Variants in APBB2 observed in about 807,000 individuals in gnomAD.
APBB2 encodes Fe65-like 1.
APBB2 carries 38 observed loss-of-function variants against 82.5 expected under a neutral mutation model. The ratio of observed to expected loss-of-function variants is 0.46; its 90% CI spans 0.36 to 0.60. The LOEUF (loss-of-function observed/expected upper bound fraction) is 0.60. Ranked by LOEUF, APBB2 falls within the 20% of genes least tolerant of loss-of-function variation. APBB2 has a pLI of 0.00. For missense variants in APBB2, 772 were observed against 972.3 expected (o/e 0.79, Z 2.74); for synonymous variants, 341 against 368.2 (o/e 0.93, Z 0.85).
At position 41,159,940 on chromosome 4, in the gene APBB2, G is replaced by GAGGAGA. The variant is rs1278953421; in HGVS notation, c.-416-16804_-416-16799dup. Among the ~76,000 whole-genome samples the GAGGAGA allele has an allele frequency of 8.0e-4, 32 of 40,030 alleles. 3 individuals carry two copies. The highest frequency in any genetic ancestry group is 3.0e-3 in the African/African-American group (31 of 10,490). 26.3% of individuals were successfully genotyped at this position (40,030 alleles called of 152,430 possible). A position where few individuals can be genotyped will look rare whatever the true frequency, so the allele number is the denominator to read the frequency against. On this transcript the variant is annotated intron_variant, in intron 1 of 17. Coordinates refer to ENST00000508593, the MANE Select transcript of APBB2 (RefSeq NM_004307.2). ...GGAGGAGGAGGAGGAGGAGGAGGAGGAGGAGAAGGAGAAGGAGAAGGAGAA... is the reference window on the plus strand; with the variant it reads ...GGAGGAGGAGGAGGAGGAGGAGGAGGAGGAGAAGGAGAAGGAGAAGGAGAAGGAGAA...
At chr4:40,861,687 C>A (rs1762797091) in intron 12 of APBB2, among the ~76,000 whole-genome samples, 1 of 152,132 alleles carries the variant, frequency 6.6e-6, no homozygotes, top group Non-Finnish European at 1.5e-5. Context: ...TTTTTAAAAA[C>A]AGGTCTGGTT....
chr4:41,112,308 G>A (rs991819885), intron 2 of APBB2, among the ~76,000 whole-genome samples: 2 of 152,208 alleles, frequency 1.3e-5, no homozygotes, highest in Admixed American at 1.3e-4. Flanking sequence ...ATGTAGCCCA[G>A]CTGGTGGGCA....
intron 4 of APBB2, among the ~76,000 whole-genome samples, chr4:41,041,126 C>G (rs1006807184): frequency 6.6e-6 from 1 of 152,172 alleles, no homozygotes; most frequent in Non-Finnish European, 1.5e-5. Context: ...GTGATTCCCC[C>G]ACCTTGGCCT....
chr4:40,888,516 A>G (rs1358867604), intron 12 of APBB2, among the ~76,000 whole-genome samples: 3 of 151,890 alleles, frequency 2.0e-5, no homozygotes, highest in Non-Finnish European at 4.4e-5. Flanking sequence ...CCTGCCTCGC[A>G]CAAGTATGTA....
At chr4:41,050,311 C>T (rs1022042684) in intron 4 of APBB2, among the ~76,000 whole-genome samples, 1 of 152,138 alleles carries the variant, frequency 6.6e-6, no homozygotes. Context: ...GCTTAGAATT[C>T]CTTCACATAT....
At chr4:40,907,364 T>C (rs1777154859) in intron 10 of APBB2, among the ~76,000 whole-genome samples, 1 of 86,972 alleles carries the variant, frequency 1.1e-5, no homozygotes, top group South Asian at 3.8e-4. Flanking sequence ...TATATATATA[T>C]ATATATATAT....
At chr4:40,910,426 A>T (rs912184477) in intron 10 of APBB2, among the ~76,000 whole-genome samples, 1 of 151,714 alleles carries the variant, frequency 6.6e-6, no homozygotes, top group Non-Finnish European at 1.5e-5. Context: ...TTTTGTAGAG[A>T]CGGGGTCTCA....
chr4:40,901,208 A>T (rs1272058982), intron 10 of APBB2, among the ~76,000 whole-genome samples: 2 of 152,196 alleles, frequency 1.3e-5, no homozygotes, highest in East Asian at 1.9e-4. Flanking sequence ...TGGACCTCAT[A>T]GGGTCCTGGC....
rs200453634 is a variant in APBB2, at chr4:40,825,846, G to A, written c.1816+41C>T. The A allele has an allele frequency of 3.7e-5, 58 of 1,558,358 alleles. No individual in the cohort carries two copies. In the Middle Eastern group the frequency reaches 1.0e-3, roughly 27 times the overall value. On this transcript the variant is annotated intron_variant, in intron 15 of 17. Transcript: ENST00000508593. ...GGGCGAACGCCTCCTGTGAGCTCCC[G>A]CACACTTGCAAAGTGGAAAGACAAT...
chr4:41,098,473 G>A (rs368402858), intron 3 of APBB2, among the ~76,000 whole-genome samples: 5 of 152,090 alleles, frequency 3.3e-5, no homozygotes, highest in East Asian at 1.9e-4. Flanking sequence ...AGTGAGCCAC[G>A]GCGTCTGGCC....
chr4:41,044,512 G>A (rs146826849), intron 4 of APBB2, among the ~76,000 whole-genome samples: 1,529 of 152,226 alleles, frequency 0.01, 29 homozygotes, highest in African/African-American at 0.035. Flanking sequence ...CTCTGTAGAA[G>A]GTTCCTTAGG....
intron 6 of APBB2, 79 bp from the exon 7 acceptor site, chr4:40,945,152 C>A (rs1788041680): frequency 1.8e-6 from 2 of 1,086,906 alleles, no homozygotes; most frequent in South Asian, 2.6e-5. Context: ...GTCAGGTGAA[C>A]CCCAAAGGCA....
In APBB2 at chr4:41,170,166, C is replaced by T. The variant is rs73232105; in HGVS notation, c.-416-27024G>A. Among the ~76,000 whole-genome samples, 728 of 152,244 alleles carry T rather than the reference C, an allele frequency of 4.8e-3. 3 individuals are homozygous for T. The highest frequency in any genetic ancestry group is 8.2e-3 in the Non-Finnish European group (557 of 68,002). On this transcript the variant is annotated intron_variant, in intron 1 of 17. Transcript: ENST00000508593. Reference sequence around the variant, plus strand: ...TATCCAAAGCTTTCCTAACTGAAGTCCAGGGACATTTTCCCCAGTGGTCTG... The same window carrying T: ...TATCCAAAGCTTTCCTAACTGAAGTTCAGGGACATTTTCCCCAGTGGTCTG...
intron 3 of APBB2, among the ~76,000 whole-genome samples, chr4:41,077,008 ATT>A (rs35092142): frequency 1.6e-3 from 237 of 144,594 alleles, no homozygotes; most frequent in Admixed American, 1.6e-3. Context: ...AAAAATCAGG[ATT>A]TTTTTTTTTT....
chr4:40,883,449 T>C (rs1455130697), intron 12 of APBB2, among the ~76,000 whole-genome samples: 1 of 152,020 alleles, frequency 6.6e-6, no homozygotes, highest in African/African-American at 2.4e-5. Context: ...TAGCTGGGCA[T>C]GGTGGCGCAT....
chr4:40,927,201 T>G (rs2154371299), intron 10 of APBB2, among the ~76,000 whole-genome samples: 1 of 152,286 alleles, frequency 6.6e-6, no homozygotes, highest in East Asian at 1.9e-4. Context: ...CCTTACCCGT[T>G]TCCTTAATTA....
In APBB2 at chr4:41,061,850, G is replaced by C. The variant is rs142455683; in HGVS notation, c.-51+3726C>G. ...AGAAAGAAAATTAAAACTCCAGTCT[G>C]ACATACAAGCCTCAAAAACAATGTA... On this transcript the variant is annotated intron_variant, in intron 4 of 17. Transcript: ENST00000508593. Among the ~76,000 whole-genome samples, 11 of 152,358 alleles carry C rather than the reference G, an allele frequency of 7.2e-5. 1 individual carries two copies. Among genetic ancestry groups the C allele is most frequent in the African/African-American group, 2.6e-4 (11 of 41,582 alleles).
intron 6 of APBB2, among the ~76,000 whole-genome samples, chr4:40,992,368 G>GC (rs560945144): frequency 1.4e-5 from 2 of 145,994 alleles, no homozygotes; most frequent in African/African-American, 2.5e-5. Context: ...AGATGGGGGG[G>GC]GGTCTTTCTA....
At chr4:40,848,789 T>G (rs1758424677) in intron 12 of APBB2, 1 of 917,424 alleles carries the variant, frequency 1.1e-6, no homozygotes, top group Non-Finnish European at 1.3e-6. Flanking sequence ...CGCCCCTGCC[T>G]GGGCTTGCTG....
Sources: allele counts gnomAD v4.1 joint callset (sites outside exome capture counted in the v4.1 genomes callset), GRCh38; gene constraint gnomAD v4.1.1; transcripts MANE v1.5; gene names NCBI Gene and HGNC (gene_info 2026-07-23, HGNC 2026-07-21).